The following KIF13B variants were observed in gnomAD, a reference collection of about 807,000 sequenced individuals.
The protein encoded by KIF13B is kinesin family member 13B.
Under a neutral mutation model 222.0 loss-of-function variants are expected in KIF13B, and 127 were observed. The ratio of observed to expected loss-of-function variants is 0.57; its 90% CI spans 0.50 to 0.66. KIF13B has a LOEUF of 0.66. KIF13B is among the 30% of genes least tolerant of loss of function. The pLI, the probability that KIF13B is intolerant of heterozygous loss-of-function variation, is 0.00. For missense variants in KIF13B, 2,173 were observed against 2,379.0 expected, an observed-to-expected ratio of 0.91 and a Z score of 1.80; for synonymous variants, 976 against 919.0, an observed-to-expected ratio of 1.06 and a Z score of -1.12.
Position 29,104,988 on chromosome 8 carries a change from A to T in KIF13B, c.4215+3151T>A, listed in dbSNP as rs1191167238. Among the ~76,000 whole-genome samples, 5 of 150,298 alleles carry T rather than the reference A, an allele frequency of 3.3e-5. No homozygotes were observed. In the South Asian group the frequency reaches 8.4e-4, roughly 25 times the overall value. On this transcript the variant is annotated intron_variant, in intron 35 of 39. Transcript: ENST00000524189. ...TTTTTTTCCTTTTTTTTTTTGGAAGACAGGGTCTCTCTCTGTCACCCAGGC... is the reference window on the plus strand; with the variant it reads ...TTTTTTTCCTTTTTTTTTTTGGAAGTCAGGGTCTCTCTCTGTCACCCAGGC...
intron 5 of KIF13B, among the ~76,000 whole-genome samples, chr8:29,188,197 T>C (rs1813024300): frequency 6.6e-6 from 1 of 152,190 alleles, no homozygotes; most frequent in African/African-American, 2.4e-5. Context: ...ATTTTATCTG[T>C]TATGGTTCTG....
At chr8:29,251,463 T>C (rs1017978935) in intron 1 of KIF13B, among the ~76,000 whole-genome samples, 2 of 152,294 alleles carry the variant, frequency 1.3e-5, no homozygotes, top group Admixed American at 1.3e-4. Context: ...AAGGAAATTC[T>C]GACGCATCAT....
intron 1 of KIF13B, 73 bp from the exon 2 acceptor site, chr8:29,245,512 A>T: frequency 9.1e-7 from 1 of 1,094,236 alleles, no homozygotes. Flanking sequence ...AATTCAGAAA[A>T]GACAAAAATT....
chr8:29,185,800 C>T (rs1315615996), intron 6 of KIF13B, among the ~76,000 whole-genome samples: 2 of 152,200 alleles, frequency 1.3e-5, no homozygotes, highest in African/African-American at 4.8e-5. Context: ...CACTGTTGCG[C>T]TTCCTTAAAA....
At chr8:29,211,956 T>C (rs557440388) in intron 2 of KIF13B, among the ~76,000 whole-genome samples, 3 of 152,368 alleles carry the variant, frequency 2.0e-5, no homozygotes, top group Admixed American at 6.5e-5. Flanking sequence ...CTATAAAATA[T>C]GTAGCTTTTC....
chr8:29,117,731 T>C (rs1809669403), intron 30 of KIF13B, among the ~76,000 whole-genome samples: 1 of 152,220 alleles, frequency 6.6e-6, no homozygotes, highest in Non-Finnish European at 1.5e-5. Context: ...TCAGCTTTCC[T>C]TCCTGAATAT....
intron 2 of KIF13B, among the ~76,000 whole-genome samples, 182 bp from the exon 3 acceptor site, chr8:29,196,381 T>C (rs541064807): frequency 1.3e-5 from 2 of 152,328 alleles, no homozygotes; most frequent in African/African-American, 2.4e-5. Flanking sequence ...GAATGTCTAT[T>C]AGCTAGTAAG....
At chr8:29,140,959 GTGCTA>G (rs2129931360) in intron 19 of KIF13B, among the ~76,000 whole-genome samples, 1 of 152,254 alleles carries the variant, frequency 6.6e-6, no homozygotes, top group East Asian at 1.9e-4. Context: ...GAAGTAGAGT[GTGCTA>G]AACTACACTT....
Position 29,109,929 on chromosome 8 carries a change from G to T in KIF13B, c.4072C>A (p.Arg1358Ser). The T allele has an allele frequency of 6.2e-7, 1 of 1,613,518 alleles. No individual in the cohort carries two copies. Among genetic ancestry groups the T allele is most frequent in the Non-Finnish European group, 8.5e-7 (1 of 1,179,764 alleles). Residue 1358 changes from arginine to serine, a missense_variant, in exon 33 of 40, where the codon CGT (arginine) becomes AGT (serine). Physicochemically the swap from Arg to Ser is moderately radical, Grantham distance 110 (BLOSUM62 -1). Transcript: ENST00000524189. The part of the protein sequence containing the change: ...LAVENLLTLD[R>S]LRQEVAVKEQ... ...TGCGGTTGGCTAACCTGGCGCAGAC[G>T]ATCTAAAGTCAGGAGGTTTTCTACA...
intron 2 of KIF13B, among the ~76,000 whole-genome samples, chr8:29,213,795 A>G (rs900587650): frequency 4.5e-5 from 6 of 132,656 alleles, no homozygotes; most frequent in South Asian, 4.5e-4. Flanking sequence ...CTAAAAATAC[A>G]AAAAAAAAAA....
chr8:29,243,348 C>CA (rs777503766), intron 2 of KIF13B, among the ~76,000 whole-genome samples: 4,894 of 110,626 alleles, frequency 0.044, 224 homozygotes, highest in African/African-American at 0.13. Context: ...GACCCAGTCT[C>CA]AAAAAAAAAA....
intron 2 of KIF13B, among the ~76,000 whole-genome samples, chr8:29,243,028 T>C (rs1205364602): frequency 6.6e-6 from 1 of 152,156 alleles, no homozygotes; most frequent in African/African-American, 2.4e-5. Flanking sequence ...ACTCAAGCAT[T>C]GAATTGAATA....
chr8:29,156,618 A>G (rs1811539017), intron 13 of KIF13B, among the ~76,000 whole-genome samples: 2 of 151,792 alleles, frequency 1.3e-5, no homozygotes, highest in Admixed American at 6.6e-5. Flanking sequence ...GGCTCAAGCA[A>G]TCTTCCTGTC....
chr8:29,221,097 C>CTT (rs60915605), intron 2 of KIF13B, among the ~76,000 whole-genome samples: 15,268 of 111,436 alleles, frequency 0.14, 1,495 homozygotes, highest in African/African-American at 0.19. Context: ...GAGCTGTGTT[C>CTT]TTTTTTTTTT....
chr8:29,082,329 T>G (rs1807849154), intron 37 of KIF13B, among the ~76,000 whole-genome samples: 1 of 152,248 alleles, frequency 6.6e-6, no homozygotes, highest in African/African-American at 2.4e-5. Context: ...TCTAACTTAT[T>G]CTAAGTACTA....
chr8:29,119,004 G>A lies in KIF13B; in HGVS notation c.3536-12C>T, dbSNP rs1229877528. ...GCTGAAATCATCAGCTAAAAGCAAA[G>A]AAGTTCCATTAAATACTGAGATCAT... On this transcript the variant is annotated splice_polypyrimidine_tract_variant and intron_variant, in intron 29 of 39. Coordinates refer to ENST00000524189, the MANE Select transcript of KIF13B (RefSeq NM_015254.4). 6.2e-7 allele frequency: 1 copy of A among 1,611,060 alleles called. No homozygotes were observed. Among genetic ancestry groups the A allele is most frequent in the Non-Finnish European group, 8.5e-7 (1 of 1,179,010 alleles).
At chr8:29,238,348 G>A (rs888808443) in intron 2 of KIF13B, among the ~76,000 whole-genome samples, 1 of 152,150 alleles carries the variant, frequency 6.6e-6, no homozygotes, top group Non-Finnish European at 1.5e-5. Flanking sequence ...ACTCAATTCT[G>A]CACATACTTT....
At chr8:29,104,662 C>T (rs1012634500) in intron 35 of KIF13B, among the ~76,000 whole-genome samples, 1 of 152,190 alleles carries the variant, frequency 6.6e-6, no homozygotes, top group African/African-American at 2.4e-5. Flanking sequence ...CCTGCCATTC[C>T]TTGGGACATG....
chr8:29,240,843 C>T (rs576743283), intron 2 of KIF13B, among the ~76,000 whole-genome samples: 1 of 152,214 alleles, frequency 6.6e-6, no homozygotes, highest in Non-Finnish European at 1.5e-5. Flanking sequence ...AACTGGAACT[C>T]TCACGCATTG....
Sources: allele counts gnomAD v4.1 joint callset (sites outside exome capture counted in the v4.1 genomes callset), GRCh38; gene constraint gnomAD v4.1.1; transcripts MANE v1.5; gene names NCBI Gene and HGNC (gene_info 2026-07-23, HGNC 2026-07-21).